The following CTNNA3 variants were observed in gnomAD, a reference collection of about 807,000 sequenced individuals.
CTNNA3 encodes the protein catenin alpha-3.
A neutral mutation model predicts 95.7 loss-of-function variants in CTNNA3; 76 were observed. The ratio of observed to expected loss-of-function variants is 0.79; its 90% CI spans 0.66 to 0.96. CTNNA3 has a LOEUF of 0.96. Among genes scored for constraint, CTNNA3 ranks in the 40% least tolerant of loss-of-function variants. CTNNA3 has a pLI of 0.00. For synonymous variants in CTNNA3, 431 were observed against 374.4 expected (o/e 1.15, Z -1.74); for missense variants, 1,191 against 1,089.8 (o/e 1.09, Z -1.31).
intron 14 of CTNNA3, among the ~76,000 whole-genome samples, chr10:66,093,917 A>G (rs1243328579): frequency 1.3e-5 from 2 of 152,108 alleles, no homozygotes; most frequent in South Asian, 2.1e-4. Context: ...CTCTGTACTA[A>G]GTAGTGTCCT....
chr10:66,674,039 G>A (rs1846758656), intron 9 of CTNNA3, among the ~76,000 whole-genome samples: 1 of 151,584 alleles, frequency 6.6e-6, no homozygotes, highest in Non-Finnish European at 1.5e-5. Flanking sequence ...TTGGTCTGAA[G>A]CCTCAAGTCT....
At chr10:66,707,920 T>C (rs1848169815) in intron 9 of CTNNA3, among the ~76,000 whole-genome samples, 1 of 152,144 alleles carries the variant, frequency 6.6e-6, no homozygotes, top group Admixed American at 6.6e-5. Flanking sequence ...ATTATAGATT[T>C]ACTTAGGACA....
At chr10:66,599,303 G>C (rs1206010058) in intron 10 of CTNNA3, among the ~76,000 whole-genome samples, 1 of 152,000 alleles carries the variant, frequency 6.6e-6, no homozygotes, top group Non-Finnish European at 1.5e-5. Flanking sequence ...TGGAAAGATA[G>C]CTGTCAACTC....
At chr10:67,580,058 A>C (rs1451538014) in intron 3 of CTNNA3, among the ~76,000 whole-genome samples, 1 of 152,118 alleles carries the variant, frequency 6.6e-6, no homozygotes, top group Non-Finnish European at 1.5e-5. Flanking sequence ...CTTTAGTTTA[A>C]TTAGATCCCA....
At chr10:67,296,816 C>A (rs1467927314) in intron 5 of CTNNA3, among the ~76,000 whole-genome samples, 1 of 151,610 alleles carries the variant, frequency 6.6e-6, no homozygotes, top group Admixed American at 6.6e-5. Context: ...TGCCTGTAAT[C>A]CCAGCTACTT....
intron 3 of CTNNA3, among the ~76,000 whole-genome samples, chr10:67,584,467 A>T (rs1250995935): frequency 2.0e-5 from 3 of 152,210 alleles, no homozygotes; most frequent in Non-Finnish European, 4.4e-5. Context: ...ATGAGGTTTC[A>T]GTCAGACCCT....
intron 13 of CTNNA3, among the ~76,000 whole-genome samples, chr10:66,207,482 C>T (rs2087837612): frequency 6.6e-6 from 1 of 151,932 alleles, no homozygotes; most frequent in Non-Finnish European, 1.5e-5. Flanking sequence ...TCCGCAATAA[C>T]CATAAAACAG....
chr10:66,898,739 C>T (rs1330096312), intron 7 of CTNNA3, among the ~76,000 whole-genome samples: 1 of 152,004 alleles, frequency 6.6e-6, no homozygotes, highest in Non-Finnish European at 1.5e-5. Context: ...TAAAATCTGG[C>T]AATGTAAAAC....
chr10:67,143,308 G>GGA (rs1233163512), intron 7 of CTNNA3, among the ~76,000 whole-genome samples: 2 of 151,402 alleles, frequency 1.3e-5, no homozygotes, highest in Admixed American at 1.3e-4. Flanking sequence ...TGTAATCCCA[G>GGA]CTACTCGAGA....
chr10:66,644,282 CTG>C (rs1564589723), intron 9 of CTNNA3, among the ~76,000 whole-genome samples: 109 of 100,702 alleles, frequency 1.1e-3, no homozygotes, highest in African/African-American at 4.1e-3. Context: ...GTCTGTCTGT[CTG>C]TCTGTCTGTC....
intron 3 of CTNNA3, among the ~76,000 whole-genome samples, chr10:67,602,021 T>C (rs1328660684): frequency 6.6e-6 from 1 of 152,188 alleles, no homozygotes; most frequent in Non-Finnish European, 1.5e-5. Context: ...ATAGTATGTC[T>C]TTATTGGAAG....
intron 7 of CTNNA3, among the ~76,000 whole-genome samples, chr10:67,060,890 T>C (rs1855720258): frequency 6.6e-6 from 1 of 152,196 alleles, no homozygotes. Context: ...TTTTTTTAAA[T>C]TGTTTTTGAC....
intron 5 of CTNNA3, among the ~76,000 whole-genome samples, chr10:67,480,148 C>T (rs1253287387): frequency 6.6e-6 from 1 of 151,822 alleles, no homozygotes; most frequent in Non-Finnish European, 1.5e-5. Context: ...AGTCAAAATT[C>T]CACCAGATGT....
intron 10 of CTNNA3, among the ~76,000 whole-genome samples, chr10:66,585,442 T>G (rs894962183): frequency 6.6e-6 from 1 of 151,974 alleles, no homozygotes; most frequent in South Asian, 2.1e-4. Context: ...AGCCTTGTTT[T>G]TGAGTTCTGA....
At chr10:67,078,521 T>A (rs1004364808) in intron 7 of CTNNA3, among the ~76,000 whole-genome samples, 7 of 152,146 alleles carry the variant, frequency 4.6e-5, no homozygotes, top group East Asian at 1.9e-4. Flanking sequence ...CCTTTTTTAT[T>A]ATTATTATTA....
chr10:67,129,935 C>G (rs1016332921), intron 7 of CTNNA3, among the ~76,000 whole-genome samples: 27 of 151,934 alleles, frequency 1.8e-4, no homozygotes, highest in Non-Finnish European at 1.8e-4. Flanking sequence ...AAAAATAAAT[C>G]TTGACTAGAA....
intron 13 of CTNNA3, among the ~76,000 whole-genome samples, chr10:66,123,133 A>ATTTCC (rs2082657579): frequency 6.6e-6 from 1 of 152,144 alleles, no homozygotes; most frequent in South Asian, 2.1e-4. Context: ...AGACAAGGCA[A>ATTTCC]TTTCCTTCTG....
At chr10:66,189,619 C>CTATATATATATATATATATATAT (rs2086555333) in intron 13 of CTNNA3, among the ~76,000 whole-genome samples, 1 of 96,632 alleles carries the variant, frequency 1.0e-5, no homozygotes, top group African/African-American at 3.9e-5. Flanking sequence ...TATATATATA[C>CTATATATATATATATATATATAT]ACACATACAC....
chr10:67,446,302 A>C (rs1846746060), intron 5 of CTNNA3, among the ~76,000 whole-genome samples: 1 of 152,026 alleles, frequency 6.6e-6, no homozygotes, highest in Non-Finnish European at 1.5e-5. Flanking sequence ...CCCTGACAGA[A>C]CTTTCAAAAA....
Sources: allele counts gnomAD v4.1 joint callset (sites outside exome capture counted in the v4.1 genomes callset), GRCh38; gene constraint gnomAD v4.1.1; transcripts MANE v1.5; gene names NCBI Gene and HGNC (gene_info 2026-07-23, HGNC 2026-07-21).